Variants in FGD4 observed in about 807,000 individuals in gnomAD.
FGD4 encodes FYVE, RhoGEF and PH domain containing 4.
A neutral mutation model predicts 102.0 loss-of-function variants in FGD4; 42 were observed. The observed-to-expected ratio is 0.41, with a 90% CI of 0.32 to 0.53. The LOEUF (loss-of-function observed/expected upper bound fraction) is 0.53. FGD4 is among the 20% of genes least tolerant of loss of function. The pLI, the probability that FGD4 is intolerant of heterozygous loss-of-function variation, is 0.21. For synonymous variants in FGD4, 380 were observed against 375.7 expected, an observed-to-expected ratio of 1.01 and a Z score of -0.13; for missense variants, 902 against 1,078.2, an observed-to-expected ratio of 0.84 and a Z score of 2.29.
intron 15 of FGD4, among the ~76,000 whole-genome samples, chr12:32,636,889 T>A (rs1486419879): frequency 1.3e-5 from 2 of 148,750 alleles, no homozygotes; most frequent in Non-Finnish European, 3.0e-5. Flanking sequence ...TTTTTTTTTT[T>A]AGACAGAGTC....
At chr12:32,456,037 G>C (rs563463238) in intron 1 of FGD4, among the ~76,000 whole-genome samples, 2 of 152,118 alleles carry the variant, frequency 1.3e-5, no homozygotes, top group African/African-American at 4.8e-5. Context: ...CTCAGCTGTT[G>C]TGTAAAACCC....
At chr12:32,507,002 A>AT (rs1938824972) in intron 1 of FGD4, among the ~76,000 whole-genome samples, 1 of 151,950 alleles carries the variant, frequency 6.6e-6, no homozygotes, top group Non-Finnish European at 1.5e-5. Flanking sequence ...ATATGTATAC[A>AT]TGTGTCATGC....
chr12:32,625,011 G>A lies in FGD4; in HGVS notation c.1989G>A (p.Arg663=). 1.9e-6 allele frequency: 3 copies of A among 1,613,298 alleles called. No homozygotes were observed. The highest frequency in any genetic ancestry group is 2.5e-6 in the Non-Finnish European group (3 of 1,179,564). The change falls in exon 13 of 17, where the codon AGG becomes AGA. Residue 663 remains arginine, a synonymous_variant. Transcript: ENST00000534526. ...LQETIDAFHQ[R]HETFRNAIAK... ...AAACCATCGATGCTTTTCATCAAAG[G>A]CATGAAACCTTCAGAAATGCAATTG...
At chr12:32,427,745 C>A (rs542464004) in intron 1 of FGD4, among the ~76,000 whole-genome samples, 2 of 152,264 alleles carry the variant, frequency 1.3e-5, no homozygotes, top group African/African-American at 4.8e-5. Flanking sequence ...TCTGGGTGCT[C>A]CTGTATTGGG....
In FGD4 at chr12:32,510,538, A is replaced by G. The variant is rs973841369; in HGVS notation, c.167-53599A>G. 2.6e-5 allele frequency among the ~76,000 whole-genome samples: 4 copies of G among 152,336 alleles called. 1 individual carries two copies. Among genetic ancestry groups the G allele is most frequent in the East Asian group, 3.9e-4 (2 of 5,186 alleles). On this transcript the variant is annotated intron_variant, in intron 1 of 16. Coordinates refer to ENST00000534526, the MANE Select transcript of FGD4 (RefSeq NM_001370298.3). ...TATAGGAATTTTACTGTAATAAAAA[A>G]GTGAACTAATATGAAATGCTCAAAA...
chr12:32,511,326 T>G (rs778706951), intron 1 of FGD4: 2 of 152,214 alleles, frequency 1.3e-5, no homozygotes, highest in Non-Finnish European at 2.9e-5. Flanking sequence ...TATATATATT[T>G]TTTGAGACAG....
At chr12:32,608,884 A>G (rs879584876) in intron 8 of FGD4, among the ~76,000 whole-genome samples, 7 of 152,080 alleles carry the variant, frequency 4.6e-5, no homozygotes, top group Non-Finnish European at 8.8e-5. Flanking sequence ...TTGGATCCTT[A>G]ACCTTTTCTT....
At chr12:32,436,816 T>C (rs1315064123) in intron 1 of FGD4, among the ~76,000 whole-genome samples, 1 of 151,864 alleles carries the variant, frequency 6.6e-6, no homozygotes. Flanking sequence ...CTTCCCTGCA[T>C]ATAAAAAACA....
At chr12:32,594,285 C>T (rs1322775389) in intron 4 of FGD4, among the ~76,000 whole-genome samples, 1 of 152,116 alleles carries the variant, frequency 6.6e-6, no homozygotes, top group East Asian at 1.9e-4. Context: ...GCATTAGATT[C>T]TCATAGGAAC....
chr12:32,505,892 G>T (rs1221422638), intron 1 of FGD4, among the ~76,000 whole-genome samples: 1 of 151,914 alleles, frequency 6.6e-6, no homozygotes, highest in Non-Finnish European at 1.5e-5. Flanking sequence ...TAGTATGTTC[G>T]CATAAGGCAA....
chr12:32,400,614 G>A (rs953212435), intron 1 of FGD4, among the ~76,000 whole-genome samples: 3 of 152,134 alleles, frequency 2.0e-5, no homozygotes, highest in Non-Finnish European at 4.4e-5. Context: ...TCTATTCAAG[G>A]CCACGTAATC....
At position 32,643,092 on chromosome 12, in the gene FGD4, G is replaced by A. The variant is rs1188144273; in HGVS notation, c.*2559G>A. On this transcript the variant is annotated 3_prime_UTR_variant, in exon 17 of 17. Transcript: ENST00000534526. ...GTGCCCTTCCTCCAAACTTTAAAAA[G>A]TACTTCCTTGACAAAATTTCTATTC... is the stretch of plus-strand genomic sequence containing the variant. The A allele has an allele frequency of 2.6e-5, 4 of 152,480 alleles. No individual in the cohort carries two copies. Among genetic ancestry groups the A allele is most frequent in the Non-Finnish European group, 4.4e-5 (3 of 67,930 alleles). 9.4% of individuals were successfully genotyped at this position (152,480 alleles called of 1,614,324 possible).
intron 10 of FGD4, among the ~76,000 whole-genome samples, chr12:32,612,788 A>G (rs1370449732): frequency 1.4e-4 from 21 of 152,144 alleles, no homozygotes; most frequent in Admixed American, 1.3e-3. Flanking sequence ...CTATGGGAAA[A>G]GTACATGAGT....
chr12:32,424,087 T>C (rs1043918807), intron 1 of FGD4, among the ~76,000 whole-genome samples: 31 of 152,204 alleles, frequency 2.0e-4, no homozygotes, highest in African/African-American at 7.5e-4. Flanking sequence ...TTTTTTGTTA[T>C]ACTTTAAGTT....
intron 1 of FGD4, among the ~76,000 whole-genome samples, chr12:32,535,353 C>T (rs893203201): frequency 2.0e-5 from 3 of 152,174 alleles, no homozygotes; most frequent in African/African-American, 7.2e-5. Context: ...TCTTTCCTTC[C>T]TTAAGTGTCA....
At chr12:32,439,813 C>T (rs1942367221) in intron 1 of FGD4, among the ~76,000 whole-genome samples, 1 of 152,144 alleles carries the variant, frequency 6.6e-6, no homozygotes, top group Non-Finnish European at 1.5e-5. Flanking sequence ...TTTAGATTTG[C>T]CCTTTTGAGG....
chr12:32,544,487 C>G lies in FGD4; in HGVS notation c.167-19650C>G, dbSNP rs541300679. ...GGCTCATGCCTGTAATCCCAGCACT[C>G]TGGGAGGCTGAGGCAGGTGGATCAC... is the stretch of plus-strand genomic sequence containing the variant. On this transcript the variant is annotated intron_variant, in intron 1 of 16. Coordinates refer to ENST00000534526, the MANE Select transcript of FGD4 (RefSeq NM_001370298.3). The surrounding 1 kb of genome is among the most constrained non-coding windows in gnomAD (Gnocchi z 4.1). Among the ~76,000 whole-genome samples, 3 of 151,772 alleles carry G rather than the reference C, an allele frequency of 2.0e-5. No individual in the cohort carries two copies. The highest frequency in any genetic ancestry group is 2.1e-4 in the South Asian group (1 of 4,802).
intron 1 of FGD4, among the ~76,000 whole-genome samples, chr12:32,416,055 G>A (rs1293236255): frequency 6.6e-6 from 1 of 152,178 alleles, no homozygotes; most frequent in Non-Finnish European, 1.5e-5. Context: ...AAGTGCAGTG[G>A]TTCAATCTCA....
At chr12:32,453,200 T>TTATATATATATATA (rs1209887127) in intron 1 of FGD4, among the ~76,000 whole-genome samples, 48 of 64,596 alleles carry the variant, frequency 7.4e-4, no homozygotes, top group African/African-American at 2.4e-3. Flanking sequence ...TATATATATA[T>TTATATATATATATA]TATATATATA....
Sources: allele counts gnomAD v4.1 joint callset (sites outside exome capture counted in the v4.1 genomes callset), GRCh38; gene constraint gnomAD v4.1.1; non-coding constraint Gnocchi (gnomAD v3.1); transcripts MANE v1.5; gene names NCBI Gene and HGNC (gene_info 2026-07-23, HGNC 2026-07-21).